Variants in PIAS1 observed in about 807,000 individuals in gnomAD.
The protein encoded by PIAS1 is protein inhibitor of activated STAT 1.
PIAS1 carries 6 observed loss-of-function variants against 71.3 expected under a neutral mutation model. That is an observed-to-expected ratio of 0.08 (90% CI 0.05 to 0.17). The LOEUF (loss-of-function observed/expected upper bound fraction) is 0.17, where lower values mean the gene tolerates loss of function less well. PIAS1 is among the 10% of genes least tolerant of loss of function. The pLI is 1.00. For missense variants in PIAS1, 555 were observed against 793.6 expected (o/e 0.70, Z 3.61); for synonymous variants, 303 against 292.9 (o/e 1.03, Z -0.35).
intron 7 of PIAS1, among the ~76,000 whole-genome samples, chr15:68,155,598 TA>T (rs1189003795): frequency 6.6e-6 from 1 of 152,148 alleles, no homozygotes; most frequent in African/African-American, 2.4e-5. Flanking sequence ...TCATTCTTAA[TA>T]AAATAAGTAC....
chr15:68,057,302 G>A (rs1331134584), intron 1 of PIAS1, among the ~76,000 whole-genome samples: 1 of 152,180 alleles, frequency 6.6e-6, no homozygotes, highest in Non-Finnish European at 1.5e-5. Context: ...TTTTAAGAAT[G>A]TGGAGGGTAT....
At chr15:68,151,945 T>TTTTTC in intron 6 of PIAS1, among the ~76,000 whole-genome samples, 2 of 74,860 alleles carry the variant, frequency 2.7e-5, no homozygotes, top group Non-Finnish European at 5.9e-5. Flanking sequence ...AGGAATTTTT[T>TTTTTC]TTTTTTTTTT....
intron 2 of PIAS1, among the ~76,000 whole-genome samples, chr15:68,090,746 C>T (rs1326524428): frequency 6.6e-6 from 1 of 152,060 alleles, no homozygotes; most frequent in East Asian, 1.9e-4. Context: ...TTGCCCTATC[C>T]TGTCATCTCT....
chr15:68,155,793 A>G (rs1437241303), intron 7 of PIAS1, among the ~76,000 whole-genome samples: 1 of 152,186 alleles, frequency 6.6e-6, no homozygotes, highest in Non-Finnish European at 1.5e-5. Flanking sequence ...ACAGTCTTTT[A>G]CCAACTCTTA....
rs1050755683 is a variant in PIAS1, at chr15:68,167,113, A to G, written c.1008+2309A>G. Among the ~76,000 whole-genome samples the G allele has an allele frequency of 3.3e-5, 5 of 152,146 alleles. No homozygotes were observed. Among genetic ancestry groups the G allele is most frequent in the African/African-American group, 1.2e-4 (5 of 41,424 alleles). On this transcript the variant is annotated intron_variant, in intron 8 of 13. Coordinates refer to ENST00000249636, the MANE Select transcript of PIAS1 (RefSeq NM_016166.3). The surrounding 1 kb of genome is among the most constrained non-coding windows in gnomAD (Gnocchi z 4.4). ...TGGGATTACAGGCGTGAGCCACCAC[A>G]CCTGGCCAGCAGTTCATTTTAAATT...
chr15:68,175,559 A>T (rs2093015786), intron 9 of PIAS1, 78 bp from the exon 10 acceptor site: 1 of 693,816 alleles, frequency 1.4e-6, no homozygotes, highest in Non-Finnish European at 2.1e-6. Context: ...ACTAGATTTT[A>T]AGAATAAATA....
chr15:68,062,988 T>C (rs2091977645), intron 1 of PIAS1, among the ~76,000 whole-genome samples: 1 of 152,178 alleles, frequency 6.6e-6, no homozygotes. Flanking sequence ...TTAAAAGTTC[T>C]TAACAACTTG....
intron 5 of PIAS1, among the ~76,000 whole-genome samples, 151 bp downstream of exon 5, chr15:68,146,057 A>G (rs187269751): frequency 9.5e-4 from 145 of 152,334 alleles, no homozygotes; most frequent in Admixed American, 4.2e-3. Flanking sequence ...TGTACCAACT[A>G]TGTACAGTTA....
chr15:68,118,126 T>G (rs1165935502), intron 2 of PIAS1, among the ~76,000 whole-genome samples: 1 of 151,958 alleles, frequency 6.6e-6, no homozygotes, highest in Admixed American at 6.6e-5. Flanking sequence ...GGTCAGGAGT[T>G]TGGGACCAGC....
chr15:68,069,872 T>A (rs1275240346), intron 1 of PIAS1, among the ~76,000 whole-genome samples: 2 of 152,136 alleles, frequency 1.3e-5, no homozygotes, highest in East Asian at 3.8e-4. Flanking sequence ...AGTTTGGTTC[T>A]CTTGTACCTT....
At chr15:68,087,552 T>C (rs1790430608) in intron 2 of PIAS1, among the ~76,000 whole-genome samples, 1 of 152,182 alleles carries the variant, frequency 6.6e-6, no homozygotes, top group Non-Finnish European at 1.5e-5. Flanking sequence ...CCTGTTTTTA[T>C]GTGGTTCTGA....
In PIAS1 at chr15:68,089,544, T is replaced by C. The variant is rs186954783; in HGVS notation, c.469+2794T>C. On this transcript the variant is annotated intron_variant, in intron 2 of 13. Coordinates refer to ENST00000249636, the MANE Select transcript of PIAS1 (RefSeq NM_016166.3). ...ATTTCACTTTCCCTGCATGCTCTCA[T>C]AACATTTATTTTTTATTTTTATTTT... Among the ~76,000 whole-genome samples, 77 of 152,282 alleles carry C rather than the reference T, an allele frequency of 5.1e-4. No homozygotes were observed. In the East Asian group the frequency reaches 0.013, roughly 26 times the overall value.
intron 2 of PIAS1, among the ~76,000 whole-genome samples, chr15:68,119,237 CAAAAAAAAAAAAAA>C (rs60879036): frequency 0.019 from 520 of 27,430 alleles, 23 homozygotes; most frequent in African/African-American, 0.068. Context: ...CCATCTCTAC[CAAAAAAAAAAAAAA>C]AAAAAAAAAA....
At chr15:68,099,189 C>A (rs1177591783) in intron 2 of PIAS1, among the ~76,000 whole-genome samples, 5 of 150,036 alleles carry the variant, frequency 3.3e-5, no homozygotes, top group Non-Finnish European at 7.4e-5. Context: ...AAAAGCACAT[C>A]GTTATTTATT....
At position 68,088,217 on chromosome 15, in the gene PIAS1, AG is replaced by A. The variant is rs749396568; in HGVS notation, c.469+1469del. 4.4e-4 allele frequency among the ~76,000 whole-genome samples: 25 copies of A among 56,372 alleles called. No individual in the cohort carries two copies. The East Asian group carries it at 6.2e-3, about 14-fold the overall frequency. 37.0% of individuals were successfully genotyped at this position (56,372 alleles called of 152,430 possible). ...ATATATATATCCCATTTTAAATTAA[AG>A]GCCATATCTGTATCTATCCATATCT... is the stretch of plus-strand genomic sequence containing the variant. On this transcript the variant is annotated intron_variant, in intron 2 of 13. Transcript: ENST00000249636.
intron 7 of PIAS1, among the ~76,000 whole-genome samples, chr15:68,159,275 C>T (rs1473298658): frequency 1.3e-5 from 2 of 152,010 alleles, no homozygotes; most frequent in African/African-American, 2.4e-5. Flanking sequence ...TCTACTTTTA[C>T]TTTATTTTTT....
At chr15:68,084,512 C>T (rs1463460606) in intron 1 of PIAS1, among the ~76,000 whole-genome samples, 1 of 152,020 alleles carries the variant, frequency 6.6e-6, no homozygotes, top group African/African-American at 2.4e-5. Flanking sequence ...AAAGAGAAAA[C>T]ATTTCTAAGA....
At position 68,177,278 on chromosome 15, in the gene PIAS1, C is replaced by CAAAAAA. The variant is rs3083984; in HGVS notation, c.1481+638_1481+643dup. Among the ~76,000 whole-genome samples the CAAAAAA allele has an allele frequency of 1.9e-3, 177 of 90,858 alleles. 14 individuals carry two copies. In the East Asian group the frequency reaches 0.029, roughly 15 times the overall value. The allele number at this position is 90,858 out of a possible 152,430, so 59.6% of individuals were successfully genotyped here. ...TGGGCAACAGAGCGAGACTTTGTCT[C>CAAAAAA]AAAAAAAAAAAAAAAAAAAGAAAGA... On this transcript the variant is annotated intron_variant, in intron 11 of 13. Coordinates refer to ENST00000249636, the MANE Select transcript of PIAS1 (RefSeq NM_016166.3).
At position 68,054,721 on chromosome 15, in the gene PIAS1, G is replaced by T; in HGVS notation, c.24+371G>T. ...GGGGAGCTGGGGCTGGGGGCAGGGTGCTCTCGTAGGGGGGATTGGGAAAGC... is the reference window on the plus strand; with the variant it reads ...GGGGAGCTGGGGCTGGGGGCAGGGTTCTCTCGTAGGGGGGATTGGGAAAGC... On this transcript the variant is annotated intron_variant, in intron 1 of 13. Transcript: ENST00000249636. This position sits in a 1 kb window ranked among gnomAD's most constrained non-coding sequence, Gnocchi z 4.6. 5.3e-6 allele frequency: 1 copy of T among 187,618 alleles called. No individual in the cohort carries two copies. The highest frequency in any genetic ancestry group is 1.1e-5 in the Non-Finnish European group (1 of 91,394). 11.6% of individuals were successfully genotyped at this position (187,618 alleles called of 1,614,324 possible).
Sources: allele counts gnomAD v4.1 joint callset (sites outside exome capture counted in the v4.1 genomes callset), GRCh38; gene constraint gnomAD v4.1.1; non-coding constraint Gnocchi (gnomAD v3.1); transcripts MANE v1.5; gene names NCBI Gene and HGNC (gene_info 2026-07-23, HGNC 2026-07-21).